The following COL12A1 variants were observed in gnomAD, a reference collection of about 807,000 sequenced individuals.
COL12A1 encodes the protein collagen alpha-1(XII) chain.
COL12A1 carries 114 observed loss-of-function variants against 349.7 expected under a neutral mutation model. That is an observed-to-expected ratio of 0.33 (90% confidence interval 0.28 to 0.38). COL12A1 has a LOEUF of 0.38. Among genes scored for constraint, COL12A1 ranks in the 10% least tolerant of loss-of-function variants. COL12A1 has a pLI of 1.00. For synonymous variants in COL12A1, 1,369 were observed against 1,329.0 expected (o/e 1.03, Z -0.66); for missense variants, 3,284 against 3,756.9 (o/e 0.87, Z 3.29).
chr6:75,147,631 T>C, intron 23 of COL12A1, 44 bp downstream of exon 23: 1 of 1,549,868 alleles, frequency 6.5e-7, no homozygotes, highest in South Asian at 1.3e-5. Flanking sequence ...ATGCTTTATC[T>C]TGGAAAAGAA....
rs1279408678 is a variant in COL12A1, at chr6:75,130,997, T to C, written c.5938-16A>G. The C allele has an allele frequency of 1.2e-6, 2 of 1,614,012 alleles. No homozygotes were observed. The highest frequency in any genetic ancestry group is 8.5e-7 in the Non-Finnish European group (1 of 1,179,958). On this transcript the variant is annotated splice_polypyrimidine_tract_variant and intron_variant, in intron 35 of 65. Transcript: ENST00000322507. ...GCACTACTATCTGCAGGAGAGGAAA[T>C]GCCAAATTCTGCCTGACAACAACTC...
In COL12A1 at chr6:75,117,501, T is replaced by C; in HGVS notation, c.7400A>G (p.Glu2467Gly). 6.2e-7 allele frequency: 1 copy of C among 1,613,656 alleles called. No homozygotes were observed. Among genetic ancestry groups the C allele is most frequent in the Non-Finnish European group, 8.5e-7 (1 of 1,179,650 alleles). Reference protein sequence around the residue: ...VVGVADVDYNELANIASKPSE... With the variant: ...VVGVADVDYNGLANIASKPSE... The stretch of plus-strand genomic sequence containing the variant: ...TGGTTTGCTGGCAATGTTGGCAAGC[T>C]CATTGTAGTCGACATCAGCCACACC... Residue 2467 changes from glutamate to glycine, a missense_variant, in exon 47 of 66, where the codon GAG (glutamate) becomes GGG (glycine). By Grantham distance (98) the Glu-to-Gly change is moderately conservative. Around this residue, in one of 2 missense-constraint regions of COL12A1, gnomAD observed 683 missense variants for 932.1 expected, o/e 0.73. Transcript: ENST00000322507.
At chr6:75,196,682 T>A (rs2149485110) in intron 2 of COL12A1, among the ~76,000 whole-genome samples, 1 of 152,294 alleles carries the variant, frequency 6.6e-6, no homozygotes, top group Middle Eastern at 3.4e-3. Context: ...ACAACGGGTA[T>A]TAAGAATATC....
Position 75,107,924 on chromosome 6 carries a change from G to A in COL12A1, c.8100+1094C>T, listed in dbSNP as rs189110138. Among the ~76,000 whole-genome samples the A allele has an allele frequency of 7.6e-3, 1,150 of 152,162 alleles. 6 individuals are homozygous for A. Among genetic ancestry groups the A allele is most frequent in the Non-Finnish European group, 0.01 (711 of 67,984 alleles). On this transcript the variant is annotated intron_variant, in intron 52 of 65. Transcript: ENST00000322507. ...TTTGAACTAATTGTTTCTATATTGTGGAATAAAAATTTTCCTTTTGAATCT... is the reference window on the plus strand; with the variant it reads ...TTTGAACTAATTGTTTCTATATTGTAGAATAAAAATTTTCCTTTTGAATCT...
intron 52 of COL12A1, among the ~76,000 whole-genome samples, chr6:75,107,107 G>C (rs920686986): frequency 2.0e-5 from 3 of 151,556 alleles, no homozygotes; most frequent in Non-Finnish European, 4.4e-5. Context: ...GTTTTACCCT[G>C]TTGGCCAGGC....
chr6:75,167,523 C>A (rs1242924579), intron 13 of COL12A1, among the ~76,000 whole-genome samples: 1 of 152,148 alleles, frequency 6.6e-6, no homozygotes, highest in Non-Finnish European at 1.5e-5. Flanking sequence ...AATTTTAAAA[C>A]AATTTCAGCT....
At chr6:75,117,650 A>C in intron 46 of COL12A1, 104 bp from the exon 47 acceptor site, 1 of 1,248,724 alleles carries the variant, frequency 8.0e-7, no homozygotes, top group Non-Finnish European at 1.1e-6. Context: ...GTATTTTCTT[A>C]ATGTATGCAG....
At chr6:75,192,469 T>C in intron 3 of COL12A1, 114 bp from the exon 4 acceptor site, 2 of 910,310 alleles carry the variant, frequency 2.2e-6, no homozygotes, top group Non-Finnish European at 3.2e-6. Flanking sequence ...ATATACATTT[T>C]TTCAGGACAC....
intron 3 of COL12A1, among the ~76,000 whole-genome samples, chr6:75,193,875 C>T (rs554062373): frequency 1.3e-5 from 2 of 152,276 alleles, no homozygotes; most frequent in South Asian, 2.1e-4. Flanking sequence ...TGGTTTCCAG[C>T]TTCATCCATG....
Position 75,095,192 on chromosome 6 carries a change from GAAAGGGAAGGGGACTGTTATGAC to G in COL12A1, c.8578-36_8578-14del, listed in dbSNP as rs1562099980. On this transcript the variant is annotated splice_polypyrimidine_tract_variant and intron_variant, in intron 59 of 65. Coordinates refer to ENST00000322507, the MANE Select transcript of COL12A1 (RefSeq NM_004370.6). ...AGCCTGGGCTTCCCTACAACACATGGAAAGGGAAGGGGACTGTTATGACAAAGGGAAAATCCCATCTAAAGTAA... is the reference window on the plus strand; with the variant it reads ...AGCCTGGGCTTCCCTACAACACATGGAAAGGGAAAATCCCATCTAAAGTAA... 2 of 1,606,028 alleles carry G rather than the reference GAAAGGGAAGGGGACTGTTATGAC, an allele frequency of 1.2e-6. No homozygotes were observed. The highest frequency in any genetic ancestry group is 2.2e-5 in the South Asian group (2 of 90,716).
chr6:75,178,399 G>A (rs935915253), intron 11 of COL12A1, among the ~76,000 whole-genome samples: 3 of 152,184 alleles, frequency 2.0e-5, no homozygotes, highest in East Asian at 1.9e-4. Context: ...TATCCAGTCC[G>A]TCCCACACTA....
At chr6:75,155,362 A>C (rs1365228919) in intron 16 of COL12A1, among the ~76,000 whole-genome samples, 2 of 152,152 alleles carry the variant, frequency 1.3e-5, no homozygotes, top group Non-Finnish European at 2.9e-5. Context: ...TAAGAACATT[A>C]ATTTCTTAAA....
chr6:75,188,240 G>T (rs1424492943), intron 8 of COL12A1, 122 bp downstream of exon 8: 2 of 1,013,664 alleles, frequency 2.0e-6, no homozygotes, highest in African/African-American at 3.3e-5. Context: ...ATACAGTGGA[G>T]TATACAATTG....
intron 33 of COL12A1, 133 bp from the exon 34 acceptor site, chr6:75,133,555 C>T: frequency 1.1e-6 from 1 of 899,874 alleles, no homozygotes; most frequent in Non-Finnish European, 1.6e-6. Flanking sequence ...CATAATAAGC[C>T]CCCACATGAC....
chr6:75,151,713 A>C (rs1767497721), intron 20 of COL12A1, among the ~76,000 whole-genome samples, 154 bp downstream of exon 20: 1 of 152,192 alleles, frequency 6.6e-6, no homozygotes, highest in African/African-American at 2.4e-5. Flanking sequence ...AGAAGAAAAA[A>C]GTGAATTAAC....
intron 13 of COL12A1, among the ~76,000 whole-genome samples, chr6:75,174,451 G>A (rs1768809756): frequency 6.6e-6 from 1 of 152,184 alleles, no homozygotes; most frequent in South Asian, 2.1e-4. Flanking sequence ...AGCTACTTGG[G>A]ATGCTGAGGC....
chr6:75,145,535 T>C lies in COL12A1; in HGVS notation c.4561-80A>G, dbSNP rs75280438. 27,309 of 1,419,792 alleles carry C rather than the reference T, an allele frequency of 0.019. 1,433 individuals carry two copies. The highest frequency in any genetic ancestry group is 0.17 in the African/African-American group (12,211 of 70,922). 87.9% of individuals were successfully genotyped at this position (1,419,792 alleles called of 1,614,324 possible). On this transcript the variant is annotated intron_variant, in intron 24 of 65. Coordinates refer to ENST00000322507, the MANE Select transcript of COL12A1 (RefSeq NM_004370.6). Reference sequence around the variant, plus strand: ...TACCTTTGGAATAGTCAACTGAAGTTTATTTGTACTAGATTATAATACAGC... The same window carrying C: ...TACCTTTGGAATAGTCAACTGAAGTCTATTTGTACTAGATTATAATACAGC...
chr6:75,193,820 T>C (rs1770081446), intron 3 of COL12A1, among the ~76,000 whole-genome samples: 1 of 150,406 alleles, frequency 6.6e-6, no homozygotes, highest in East Asian at 2.0e-4. Flanking sequence ...AGTGAGAACA[T>C]GCGGTGTTTG....
chr6:75,151,075 A>AAT, intron 21 of COL12A1, 66 bp downstream of exon 21: 1 of 284,116 alleles, frequency 3.5e-6, no homozygotes, highest in Non-Finnish European at 6.9e-6. Context: ...CCCCCACCCA[A>AAT]AAGAATAATT....
Sources: gnomAD v4.1 joint callset for allele counts (sites outside exome capture counted in the v4.1 genomes callset) on GRCh38, gnomAD v4.1.1 for gene constraint, gnomAD v4.1.1 regional missense constraint, MANE v1.5 for transcripts, NCBI Gene and HGNC (gene_info 2026-07-23, HGNC 2026-07-21) for gene names.